The following PCDHGA5 variants were observed in gnomAD, a reference collection of about 807,000 sequenced individuals.
PCDHGA5 encodes the protein protocadherin gamma subfamily A, 5, also known as protocadherin gamma-A5.
PCDHGA5 carries 36 observed loss-of-function variants against 56.7 expected under a neutral mutation model. The ratio of observed to expected loss-of-function variants is 0.64; its 90% CI spans 0.49 to 0.84. The LOEUF (loss-of-function observed/expected upper bound fraction) is 0.84. PCDHGA5 is among the 40% of genes least tolerant of loss of function. PCDHGA5 has a pLI of 0.00. For missense variants in PCDHGA5, 1,305 were observed against 1,201.5 expected, an observed-to-expected ratio of 1.09 and a Z score of -1.27; for synonymous variants, 563 against 520.2, an observed-to-expected ratio of 1.08 and a Z score of -1.12.
intron 1 of PCDHGA5, chr5:141,410,718 TA>T: frequency 7.1e-7 from 1 of 1,402,688 alleles, no homozygotes; most frequent in Non-Finnish European, 9.6e-7. Context: ...ATCATATGTT[TA>T]AAATCCATAG....
chr5:141,422,328 TGCTCTTCTAAA>T (rs2096641385), intron 1 of PCDHGA5: 1 of 1,548,384 alleles, frequency 6.5e-7, no homozygotes, highest in Admixed American at 2.1e-5. Flanking sequence ...GTACAGTGAT[TGCTCTTCTAAA>T]TGTGCAAGAT....
Position 141,432,562 on chromosome 5 carries a change from C to G in PCDHGA5, c.2422-62245C>G. On this transcript the variant is annotated intron_variant, in intron 1 of 3. Coordinates refer to ENST00000518069, the MANE Select transcript of PCDHGA5 (RefSeq NM_018918.3). The surrounding 1 kb of genome is among the most constrained non-coding windows in gnomAD (Gnocchi z 6.0). ...CGGTGGACAGAGACTCCGGCCAGAA[C>G]GCCTGGCTGTCCTACCGTCTGCTCA... 1 of 1,613,964 alleles carries G rather than the reference C, an allele frequency of 6.2e-7. No homozygotes were observed. Among genetic ancestry groups the G allele is most frequent in the Non-Finnish European group, 8.5e-7 (1 of 1,180,004 alleles).
At chr5:141,450,506 G>A (rs2098682958) in intron 1 of PCDHGA5, among the ~76,000 whole-genome samples, 2 of 151,914 alleles carry the variant, frequency 1.3e-5, no homozygotes, top group Admixed American at 6.6e-5. Context: ...TTTGTTTTGA[G>A]ATGGAGTCTC....
At chr5:141,386,634 G>A (rs1351043708) in intron 1 of PCDHGA5, among the ~76,000 whole-genome samples, 2 of 151,884 alleles carry the variant, frequency 1.3e-5, no homozygotes, top group Non-Finnish European at 2.9e-5. Context: ...CTGTCACCCA[G>A]GCTGGATACA....
chr5:141,408,256 T>C, intron 1 of PCDHGA5: 1 of 1,602,226 alleles, frequency 6.2e-7, no homozygotes, highest in East Asian at 2.3e-5. Flanking sequence ...AGGTGCTATT[T>C]CCTTTGCTGC....
At chr5:141,438,649 CACATATATGTAT>C (rs1346265042) in intron 1 of PCDHGA5, among the ~76,000 whole-genome samples, 20 of 100,970 alleles carry the variant, frequency 2.0e-4, no homozygotes, top group Admixed American at 2.1e-4. Flanking sequence ...CACACACACA[CACATATATGTAT>C]ATATATATTT....
intron 1 of PCDHGA5, chr5:141,410,361 G>A: frequency 1.9e-6 from 3 of 1,614,034 alleles, no homozygotes; most frequent in Non-Finnish European, 2.5e-6. Context: ...CGCTCTCTCA[G>A]CCCTGCTACT....
At chr5:141,484,620 C>G (rs536622819) in intron 1 of PCDHGA5, among the ~76,000 whole-genome samples, 25 of 151,974 alleles carry the variant, frequency 1.6e-4, no homozygotes, top group African/African-American at 6.0e-4. Flanking sequence ...ACAACACTGG[C>G]TTGAACAAAG....
rs370242892 is a variant in PCDHGA5 at position 141,420,225 on chromosome 5, C to A, written c.2421+53474C>A. On this transcript the variant is annotated intron_variant, in intron 1 of 3. Coordinates refer to ENST00000518069, the MANE Select transcript of PCDHGA5 (RefSeq NM_018918.3). ...CTCAACAAAGATAGCATGCTACTGGCTAGCATTTTAACTCCCAGCGTTGAA... is the reference window on the plus strand; with the variant it reads ...CTCAACAAAGATAGCATGCTACTGGATAGCATTTTAACTCCCAGCGTTGAA... 13 of 1,603,470 alleles carry A rather than the reference C, an allele frequency of 8.1e-6. No homozygotes were observed. In the African/African-American group the frequency reaches 1.7e-4, roughly 21 times the overall value.
rs2099385215 is a variant in PCDHGA5 at position 141,476,099 on chromosome 5, G to A, written c.2422-18708G>A. On this transcript the variant is annotated intron_variant, in intron 1 of 3. Coordinates refer to ENST00000518069, the MANE Select transcript of PCDHGA5 (RefSeq NM_018918.3). This position sits in a 1 kb window ranked among gnomAD's most constrained non-coding sequence, Gnocchi z 7.6. ...GGGACGATCTGGACCCCGCTGAGAGGAACTGCTTTTGAGTGAGATGGTCCC... is the reference window on the plus strand; with the variant it reads ...GGGACGATCTGGACCCCGCTGAGAGAAACTGCTTTTGAGTGAGATGGTCCC... 1 of 1,574,916 alleles carries A rather than the reference G, an allele frequency of 6.3e-7. No individual in the cohort carries two copies.
At chr5:141,414,894 A>T in intron 1 of PCDHGA5, 1 of 1,613,958 alleles carries the variant, frequency 6.2e-7, no homozygotes, top group South Asian at 1.1e-5. Flanking sequence ...CCCTCCCCAC[A>T]GACGGTTCCA....
At chr5:141,455,208 A>G (rs1450523873) in intron 1 of PCDHGA5, among the ~76,000 whole-genome samples, 1 of 151,996 alleles carries the variant, frequency 6.6e-6, no homozygotes, top group Non-Finnish European at 1.5e-5. Context: ...AACCAATAAG[A>G]GTTTTTAATG....
chr5:141,421,468 C>A (rs759548375), intron 1 of PCDHGA5: 9 of 1,614,096 alleles, frequency 5.6e-6, no homozygotes, highest in Non-Finnish European at 5.9e-6. Flanking sequence ...TGTGAATCCG[C>A]GAAGCGGCAG....
In PCDHGA5 at chr5:141,364,391, G is replaced by C; in HGVS notation, c.61G>C (p.Gly21Arg). The stretch of plus-strand genomic sequence containing the variant: ...GCTGCTGCTGCCCTTCATGCTCCTG[G>C]GGACGCTGTGCGAGCCAGGATCCGG... ...GELLLPFMLL[G>R]TLCEPGSGQI... Residue 21 changes from glycine to arginine, a missense_variant, in exon 1 of 4, where the codon GGG becomes CGG. Gly to Arg is a moderately radical substitution (Grantham distance 125). Transcript: ENST00000518069. 6.2e-7 allele frequency: 1 copy of C among 1,602,644 alleles called. No individual in the cohort carries two copies.
At chr5:141,402,976 G>C in intron 1 of PCDHGA5, 5 of 1,608,120 alleles carry the variant, frequency 3.1e-6, no homozygotes, top group Non-Finnish European at 4.2e-6. Context: ...CCAAATGCCA[G>C]CTCCGCGGAA....
At chr5:141,394,094 A>C (rs759909698) in intron 1 of PCDHGA5, 5 of 1,613,934 alleles carry the variant, frequency 3.1e-6, no homozygotes, top group Non-Finnish European at 3.4e-6. Flanking sequence ...CCTCAGATCT[A>C]GGAACACCAC....
intron 1 of PCDHGA5, among the ~76,000 whole-genome samples, chr5:141,437,629 G>A (rs538730617): frequency 6.6e-6 from 1 of 152,284 alleles, no homozygotes; most frequent in Non-Finnish European, 1.5e-5. Flanking sequence ...CATATAAGAT[G>A]TCAGGTTCAG....
chr5:141,398,317 C>G (rs1364315924), intron 1 of PCDHGA5: 1 of 1,349,834 alleles, frequency 7.4e-7, no homozygotes, highest in Non-Finnish European at 1.0e-6. Flanking sequence ...GTTACCGACT[C>G]GAAAACTGCG....
At chr5:141,460,502 G>A (rs1300155108) in intron 1 of PCDHGA5, among the ~76,000 whole-genome samples, 1 of 152,094 alleles carries the variant, frequency 6.6e-6, no homozygotes, top group Non-Finnish European at 1.5e-5. Flanking sequence ...AAAATATGCT[G>A]AGAAGGCTAT....
Sources: allele counts gnomAD v4.1 joint callset (sites outside exome capture counted in the v4.1 genomes callset), GRCh38; gene constraint gnomAD v4.1.1; non-coding constraint Gnocchi (gnomAD v3.1); transcripts MANE v1.5; gene names NCBI Gene and HGNC (gene_info 2026-07-23, HGNC 2026-07-21).